NUP88: variants seen among roughly 807,000 people sequenced by gnomAD.
The protein encoded by NUP88 is nuclear pore complex protein Nup88.
In NUP88, 57 loss-of-function variants were observed where a neutral mutation model predicts 93.9. That is an observed-to-expected ratio of 0.61 (90% CI 0.49 to 0.76). NUP88 has a LOEUF of 0.76. Ranked by LOEUF, NUP88 falls within the 30% of genes least tolerant of loss-of-function variation. The pLI is 0.00. For synonymous variants in NUP88, 346 were observed against 336.8 expected, an observed-to-expected ratio of 1.03 and a Z score of -0.30; for missense variants, 911 against 901.0, an observed-to-expected ratio of 1.01 and a Z score of -0.14.
intron 10 of NUP88, among the ~76,000 whole-genome samples, chr17:5,390,353 TGCTA>T (rs1397702290): frequency 6.6e-6 from 1 of 152,198 alleles, no homozygotes; most frequent in Non-Finnish European, 1.5e-5. Flanking sequence ...TGTTTGGTCT[TGCTA>T]GCTTTTAGTG....
rs1342051408 is a variant in NUP88 at position 5,385,373 on chromosome 17, TTCTCATGCATG to T, written c.*822_*832del. ...CTTATATTCAGTCTGTGCCTACATG[TTCTCATGCATG>T]TCTAACCTGATTTACCTCTTACCTG... On this transcript the variant is annotated 3_prime_UTR_variant, in exon 17 of 17. Coordinates refer to ENST00000573584, the MANE Select transcript of NUP88 (RefSeq NM_002532.6). The T allele has an allele frequency of 4.3e-6, 1 of 230,542 alleles. No homozygotes were observed. Among genetic ancestry groups the T allele is most frequent in the Non-Finnish European group, 8.6e-6 (1 of 116,422 alleles). The allele number at this position is 230,542 out of a possible 1,614,324, so 14.3% of individuals were successfully genotyped here. A position where few individuals can be genotyped will look rare whatever the true frequency, so the allele number is the denominator to read the frequency against.
At chr17:5,387,542 T>C in intron 13 of NUP88, 63 bp downstream of exon 13, 2 of 1,593,724 alleles carry the variant, frequency 1.3e-6, no homozygotes, top group Non-Finnish European at 1.7e-6. Context: ...CTCAGCATCT[T>C]AGGGTGAGAA....
chr17:5,399,177 C>A (rs1171078666), intron 8 of NUP88, among the ~76,000 whole-genome samples: 3 of 147,112 alleles, frequency 2.0e-5, no homozygotes, highest in Non-Finnish European at 4.5e-5. Flanking sequence ...AGGCGTGAGC[C>A]ACCGCACCCG....
chr17:5,389,282 A>G (rs1056108995), intron 10 of NUP88, among the ~76,000 whole-genome samples: 1 of 152,250 alleles, frequency 6.6e-6, no homozygotes, highest in African/African-American at 2.4e-5. Flanking sequence ...CACAAACATA[A>G]ATTACTTATT....
chr17:5,410,384 T>C (rs767186040), intron 4 of NUP88, among the ~76,000 whole-genome samples: 12 of 152,148 alleles, frequency 7.9e-5, no homozygotes, highest in Non-Finnish European at 1.5e-4. Context: ...TTTCATATAG[T>C]TGAGAGAGCA....
intron 3 of NUP88, among the ~76,000 whole-genome samples, chr17:5,412,215 A>G (rs189084484): frequency 6.6e-6 from 1 of 152,336 alleles, no homozygotes; most frequent in African/African-American, 2.4e-5. Context: ...AGGAAGACTA[A>G]GAAGAGAGGA....
Position 5,419,504 on chromosome 17 carries a change from C to A in NUP88, c.147G>T (p.Ser49=), listed in dbSNP as rs1914465786. The A allele has an allele frequency of 6.2e-7, 1 of 1,613,974 alleles. No individual in the cohort carries two copies. Among genetic ancestry groups the A allele is most frequent in the Non-Finnish European group, 8.5e-7 (1 of 1,179,918 alleles). The change falls in exon 1 of 17, where the codon TCG becomes TCT. Residue 49 remains serine (S), a synonymous_variant. Coordinates refer to ENST00000573584, the MANE Select transcript of NUP88 (RefSeq NM_002532.6). ...AEKPASSSLP[S]SPPPQLLTRN... is the part of the protein sequence containing the mutation. ...TCGTCAGCAACTGCGGCGGCGGCGA[C>A]GAAGGCAACGACGAAGAAGCTGGTT...
chr17:5,389,053 TATAAA>T, intron 10 of NUP88, 93 bp from the exon 11 acceptor site: 3 of 953,300 alleles, frequency 3.1e-6, no homozygotes, highest in African/African-American at 1.7e-5. Context: ...ACTTTCAGAA[TATAAA>T]ATAAAGTGTA....
intron 3 of NUP88, among the ~76,000 whole-genome samples, chr17:5,413,519 G>A (rs184165492): frequency 6.0e-4 from 92 of 152,262 alleles, no homozygotes; most frequent in African/African-American, 2.1e-3. Context: ...AGAAATCTAC[G>A]TAGCATTAGG....
intron 10 of NUP88, 78 bp downstream of exon 10, chr17:5,391,483 G>T: frequency 8.9e-7 from 1 of 1,118,760 alleles, no homozygotes; most frequent in Non-Finnish European, 1.4e-6. Flanking sequence ...GCTTCAAGTT[G>T]GTTACTGAGT....
chr17:5,406,859 G>T (rs1913526756), intron 5 of NUP88, among the ~76,000 whole-genome samples: 1 of 152,178 alleles, frequency 6.6e-6, no homozygotes, highest in Non-Finnish European at 1.5e-5. Flanking sequence ...AGGCTGTCCT[G>T]GGCTGCGCGC....
In NUP88 at chr17:5,385,146, T is replaced by C; in HGVS notation, c.*1060A>G. 1 of 229,698 alleles carries C rather than the reference T, an allele frequency of 4.4e-6. No homozygotes were observed. The highest frequency in any genetic ancestry group is 8.6e-6 in the Non-Finnish European group (1 of 115,812). 14.2% of individuals were successfully genotyped at this position (229,698 alleles called of 1,614,324 possible). A position where few individuals can be genotyped will look rare whatever the true frequency, so the allele number is the denominator to read the frequency against. On this transcript the variant is annotated 3_prime_UTR_variant, in exon 17 of 17. Transcript: ENST00000573584. ...ATGCCAACTGTTGGAATTCACTTTA[T>C]TGTAGAAAAACCCAAACTGAGACTC... is the stretch of plus-strand genomic sequence containing the variant.
At chr17:5,408,613 C>T in intron 5 of NUP88, 120 bp downstream of exon 5, 1 of 688,548 alleles carries the variant, frequency 1.5e-6, no homozygotes, top group African/African-American at 1.9e-5. Flanking sequence ...GCAAGCCAAG[C>T]ATGTGAAGGC....
Position 5,387,074 on chromosome 17 carries a change from G to A in NUP88, c.1953C>T (p.Leu651=). 1 of 1,614,002 alleles carries A rather than the reference G, an allele frequency of 6.2e-7. No homozygotes were observed. Among genetic ancestry groups the A allele is most frequent in the Non-Finnish European group, 8.5e-7 (1 of 1,179,954 alleles). The part of the protein sequence containing the change: ...KKLLHSFHSE[L]PVLSDSERDM... ...CTCGCTCACTATCAGAGAGAACTGG[G>A]AGCTCAGAGTGAAAACTGTGAAGTA... Residue 651 remains leucine (L), a synonymous_variant, in exon 15 of 17, where the codon CTC becomes CTT. Coordinates refer to ENST00000573584, the MANE Select transcript of NUP88 (RefSeq NM_002532.6).
chr17:5,414,892 G>A (rs1044914673), intron 2 of NUP88, among the ~76,000 whole-genome samples: 5 of 151,910 alleles, frequency 3.3e-5, no homozygotes, highest in Admixed American at 6.6e-5. Context: ...ACTCCAGCCC[G>A]GGCTGAGGAG....
Position 5,408,791 on chromosome 17 carries a change from G to A in NUP88, c.799C>T (p.Leu267=). 6.2e-7 allele frequency: 1 copy of A among 1,613,844 alleles called. No individual in the cohort carries two copies. Among genetic ancestry groups the A allele is most frequent in the Non-Finnish European group, 8.5e-7 (1 of 1,179,826 alleles). The change falls in exon 5 of 17, where the codon CTG becomes TTG. Residue 267 remains leucine, a synonymous_variant. Transcript: ENST00000573584. The stretch of plus-strand genomic sequence containing the variant: ...TCTCCATTTTCATATAAGATGTACA[G>A]TGGGTATGCCACTACTTCATCTTTG... ...NGKDEVVAYP[L]YILYENGETF...
chr17:5,391,836 TA>T lies in NUP88; in HGVS notation c.1383-175del, dbSNP rs563783077. Among the ~76,000 whole-genome samples the T allele has an allele frequency of 7.0e-4, 107 of 152,342 alleles. 2 individuals are homozygous for T. Among genetic ancestry groups the T allele is most frequent in the African/African-American group, 2.4e-3 (101 of 41,576 alleles). ...GGAAACCTTTAATGCAGCTCCACAC[TA>T]AAGTCTAGAGCCCATGTGACTAAGT... On this transcript the variant is annotated intron_variant, in intron 9 of 16. Coordinates refer to ENST00000573584, the MANE Select transcript of NUP88 (RefSeq NM_002532.6).
At chr17:5,415,961 A>G (rs1052566467) in intron 2 of NUP88, among the ~76,000 whole-genome samples, 2 of 151,788 alleles carry the variant, frequency 1.3e-5, no homozygotes, top group African/African-American at 2.4e-5. Context: ...CTTGGTCAAC[A>G]TGGTGAAACC....
rs143358064 is a variant in NUP88, at chr17:5,394,967, C to T, written c.1306G>A (p.Asp436Asn). The stretch of plus-strand genomic sequence containing the variant: ...TCTGTAGAGAGTTCCTGTAAACTAT[C>T]CTTATCTTCTTCATCTACCATGGAA... ...KFLGSDEEDK[D>N]SLQELSTEQK... Residue 436 changes from aspartate (D) to asparagine (N), a missense_variant, in exon 9 of 17, where the codon GAT (aspartate) becomes AAT (asparagine). Asp to Asn is a conservative substitution (Grantham distance 23). Coordinates refer to ENST00000573584, the MANE Select transcript of NUP88 (RefSeq NM_002532.6). 6 of 1,604,704 alleles carry T rather than the reference C, an allele frequency of 3.7e-6. No homozygotes were observed. In the South Asian group the frequency reaches 5.5e-5, roughly 15 times the overall value.
Sources: gnomAD v4.1 joint callset for allele counts (sites outside exome capture counted in the v4.1 genomes callset) on GRCh38, gnomAD v4.1.1 for gene constraint, MANE v1.5 for transcripts, NCBI Gene and HGNC (gene_info 2026-07-23, HGNC 2026-07-21) for gene names.